The following CNBD1 variants were observed in gnomAD, a reference collection of about 807,000 sequenced individuals.
CNBD1 encodes the protein cyclic nucleotide-binding domain-containing protein 1.
Under a neutral mutation model 54.4 loss-of-function variants are expected in CNBD1, and 71 were observed. That is an observed-to-expected ratio of 1.30 (90% CI 1.08 to 1.59). The LOEUF is 1.59. CNBD1 is among the 40% of genes most tolerant of loss of function. The probability of loss-of-function intolerance (pLI) is 0.00; values close to 1 mark genes in which losing one functional copy is unlikely to be tolerated. For missense variants in CNBD1, 659 were observed against 518.0 expected (o/e 1.27, Z -2.64); for synonymous variants, 182 against 170.7 (o/e 1.07, Z -0.51).
intron 10 of CNBD1, among the ~76,000 whole-genome samples, chr8:87,362,324 T>C (rs1366484462): frequency 6.6e-6 from 1 of 152,116 alleles, no homozygotes; most frequent in African/African-American, 2.4e-5. Context: ...AACAGGTCAT[T>C]CAGTGATAAC....
chr8:87,198,512 A>G (rs1813770700), intron 4 of CNBD1, among the ~76,000 whole-genome samples: 1 of 152,260 alleles, frequency 6.6e-6, no homozygotes, highest in African/African-American at 2.4e-5. Context: ...AGCAAACAAT[A>G]TCCCGAGGAC....
intron 4 of CNBD1, among the ~76,000 whole-genome samples, chr8:87,150,432 C>G (rs937439864): frequency 1.3e-5 from 2 of 152,086 alleles, no homozygotes; most frequent in African/African-American, 4.8e-5. Context: ...GATTAATATT[C>G]TTTGTTTCTT....
chr8:87,230,918 G>T (rs1381766298), intron 5 of CNBD1, among the ~76,000 whole-genome samples: 1 of 152,086 alleles, frequency 6.6e-6, no homozygotes, highest in Non-Finnish European at 1.5e-5. Flanking sequence ...TTCTAATCAA[G>T]AACTATTATT....
chr8:87,354,103 G>T (rs900973601), intron 10 of CNBD1, among the ~76,000 whole-genome samples: 21 of 152,142 alleles, frequency 1.4e-4, no homozygotes, highest in Non-Finnish European at 2.8e-4. Context: ...CTGAACTGAA[G>T]TTGGAGAACC....
At chr8:86,989,436 AGTTTTT>A (rs960192426) in intron 4 of CNBD1, among the ~76,000 whole-genome samples, 51 of 152,044 alleles carry the variant, frequency 3.4e-4, no homozygotes, top group African/African-American at 1.2e-3. Context: ...TTCTAGTTTT[AGTTTTT>A]ATTTTATTTT....
At chr8:87,261,682 G>A (rs903120046) in intron 6 of CNBD1, among the ~76,000 whole-genome samples, 9 of 152,122 alleles carry the variant, frequency 5.9e-5, no homozygotes, top group African/African-American at 1.2e-4. Flanking sequence ...ATTGGGATTG[G>A]CCAAGACTCC....
rs1178377855 is a variant in CNBD1 at position 87,274,673 on chromosome 8, T to G, written c.772-10005T>G. ...CATTGTAGTTTCTGGATATTAGCCC[T>G]TTGTCAGATGAGTAGGTTGTGAAAA... On this transcript the variant is annotated intron_variant, in intron 6 of 10. Coordinates refer to ENST00000518476, the MANE Select transcript of CNBD1 (RefSeq NM_173538.3). Among the ~76,000 whole-genome samples the G allele has an allele frequency of 2.2e-5, 3 of 134,090 alleles. 1 individual carries two copies. The highest frequency in any genetic ancestry group is 1.4e-4 in the Admixed American group (2 of 14,050). The allele number at this position is 134,090 out of a possible 152,430, so 88.0% of individuals were successfully genotyped here. A position where few individuals can be genotyped will look rare whatever the true frequency, so the allele number is the denominator to read the frequency against.
chr8:87,110,943 C>T (rs1441228627), intron 4 of CNBD1, among the ~76,000 whole-genome samples: 1 of 152,180 alleles, frequency 6.6e-6, no homozygotes, highest in Non-Finnish European at 1.5e-5. Flanking sequence ...TCTGGTATGT[C>T]ATCTGCATTA....
intron 4 of CNBD1, among the ~76,000 whole-genome samples, chr8:86,987,537 T>C (rs1006240449): frequency 2.6e-5 from 4 of 152,174 alleles, no homozygotes; most frequent in Admixed American, 6.5e-5. Context: ...TCCAGTACTA[T>C]GTTGAATAGG....
chr8:87,414,309 G>T (rs973922203), intron 2 of CNBD1, among the ~76,000 whole-genome samples: 2 of 151,964 alleles, frequency 1.3e-5, no homozygotes, highest in Non-Finnish European at 2.9e-5. Flanking sequence ...ACTCATAGGT[G>T]GGAATTGAAC....
intron 4 of CNBD1, among the ~76,000 whole-genome samples, chr8:87,069,565 A>G (rs1023251982): frequency 1.3e-5 from 2 of 152,208 alleles, no homozygotes; most frequent in Admixed American, 1.3e-4. Context: ...AGGTTTGCGT[A>G]AGGATATTCT....
At chr8:86,956,777 A>G (rs1807783185) in intron 4 of CNBD1, among the ~76,000 whole-genome samples, 1 of 152,226 alleles carries the variant, frequency 6.6e-6, no homozygotes, top group Non-Finnish European at 1.5e-5. Context: ...ATCTGCAAAC[A>G]GGGACAATTT....
intron 4 of CNBD1, among the ~76,000 whole-genome samples, chr8:87,102,303 A>G (rs1015407217): frequency 6.6e-6 from 1 of 152,194 alleles, no homozygotes; most frequent in African/African-American, 2.4e-5. Context: ...TAGTTTACTT[A>G]CAGTAACATG....
In CNBD1 at chr8:87,350,904, A is replaced by G. The variant is rs75720026; in HGVS notation, c.1043-781A>G. Among the ~76,000 whole-genome samples, 39 of 152,272 alleles carry G rather than the reference A, an allele frequency of 2.6e-4. 1 individual carries two copies. The East Asian group carries it at 6.6e-3, about 26-fold the overall frequency. Reference sequence around the variant, plus strand: ...TATTTTAATACGTTGATAGTTACAAAGTTATAATAGAATTCACCTTCAAAT... The same window carrying G: ...TATTTTAATACGTTGATAGTTACAAGGTTATAATAGAATTCACCTTCAAAT... On this transcript the variant is annotated intron_variant, in intron 8 of 10. Coordinates refer to ENST00000518476, the MANE Select transcript of CNBD1 (RefSeq NM_173538.3).
intron 5 of CNBD1, among the ~76,000 whole-genome samples, chr8:87,207,612 T>G (rs2130798615): frequency 6.6e-6 from 1 of 152,260 alleles, no homozygotes; most frequent in South Asian, 2.1e-4. Context: ...CTCTTTCTTC[T>G]ACATATATTT....
intron 8 of CNBD1, among the ~76,000 whole-genome samples, chr8:87,328,068 A>T (rs563799184): frequency 6.6e-6 from 1 of 152,050 alleles, no homozygotes; most frequent in East Asian, 1.9e-4. Context: ...TGCTGCACCT[A>T]TCAACCCGTC....
chr8:87,162,500 G>T (rs1208727374), intron 4 of CNBD1, among the ~76,000 whole-genome samples: 2 of 152,024 alleles, frequency 1.3e-5, no homozygotes, highest in Admixed American at 6.6e-5. Context: ...TAATTTTGTG[G>T]TAGTTGTTTT....
In CNBD1 at chr8:87,325,014, G is replaced by A. The variant is rs1275951793; in HGVS notation, c.1043-26671G>A. Among the ~76,000 whole-genome samples the A allele has an allele frequency of 1.1e-4, 11 of 103,910 alleles. No homozygotes were observed. In the East Asian group the frequency reaches 1.1e-3, roughly 10 times the overall value. The allele number at this position is 103,910 out of a possible 152,430, so 68.2% of individuals were successfully genotyped here. On this transcript the variant is annotated intron_variant, in intron 8 of 10. Coordinates refer to ENST00000518476, the MANE Select transcript of CNBD1 (RefSeq NM_173538.3). ...TCTGGTATGTTGTGTCTTTGTTCTC[G>A]TTGGTTTCAAAGAACATCTTTATTT...
At chr8:86,913,467 G>C (rs1219014419) in intron 3 of CNBD1, among the ~76,000 whole-genome samples, 1 of 152,006 alleles carries the variant, frequency 6.6e-6, no homozygotes, top group Non-Finnish European at 1.5e-5. Context: ...GTGTTGGCTG[G>C]TCTGAGAAAT....
Sources: gnomAD v4.1 joint callset for allele counts (sites outside exome capture counted in the v4.1 genomes callset) on GRCh38, gnomAD v4.1.1 for gene constraint, MANE v1.5 for transcripts, NCBI Gene and HGNC (gene_info 2026-07-23, HGNC 2026-07-21) for gene names.